Variants in FAM161B observed in about 807,000 individuals in gnomAD.
FAM161B encodes protein FAM161B.
In FAM161B, 46 loss-of-function variants were observed where a neutral mutation model predicts 61.5. The ratio of observed to expected loss-of-function variants is 0.75; its 90% CI spans 0.59 to 0.96. The LOEUF (loss-of-function observed/expected upper bound fraction) is 0.96, where lower values mean the gene tolerates loss of function less well. Among genes scored for constraint, FAM161B ranks in the 40% least tolerant of loss-of-function variants. FAM161B has a pLI of 0.00. For missense variants in FAM161B, 774 were observed against 800.7 expected (o/e 0.97, Z 0.40); for synonymous variants, 284 against 302.7 (o/e 0.94, Z 0.64).
At chr14:73,924,605 A>G in the FAM161B span, 1 of 411,964 alleles carries the variant, frequency 2.4e-6, no homozygotes, top group African/African-American at 2.1e-5. Context: ...ACTTTTGTCA[A>G]AACCTCTGTA....
At chr14:73,947,161 G>A (rs1027246987) in intron 1 of FAM161B, among the ~76,000 whole-genome samples, 4 of 152,080 alleles carry the variant, frequency 2.6e-5, no homozygotes, top group Non-Finnish European at 5.9e-5. Flanking sequence ...CGAGGGAGGT[G>A]GATCACCTGA....
chr14:73,924,537 A>G, the FAM161B span, among the ~76,000 whole-genome samples: 3 of 152,202 alleles, frequency 2.0e-5, no homozygotes, highest in Admixed American at 6.5e-5. Flanking sequence ...GGGATATTTC[A>G]CTGGTCTTGT....
At chr14:73,923,038 T>C in the FAM161B span, among the ~76,000 whole-genome samples, 1 of 152,204 alleles carries the variant, frequency 6.6e-6, no homozygotes, top group Non-Finnish European at 1.5e-5. Context: ...TCATATCATA[T>C]TCAGTTAGTA....
rs1484500067 is a variant in FAM161B, at chr14:73,932,325, A to C, written c.*1931T>G. ...ACAAAATTTGTTTTCTTAGAGATTA[A>C]GAATTTAATCTTTCCCTTTAAAATA... On this transcript the variant is annotated 3_prime_UTR_variant, in exon 9 of 9. Transcript: ENST00000286544. 2.9e-6 allele frequency: 1 copy of C among 347,218 alleles called. No individual in the cohort carries two copies. The highest frequency in any genetic ancestry group is 2.3e-5 in the South Asian group (1 of 44,232). The allele number at this position is 347,218 out of a possible 1,614,324, so 21.5% of individuals were successfully genotyped here. A position where few individuals can be genotyped will look rare whatever the true frequency, so the allele number is the denominator to read the frequency against.
downstream of FAM161B, among the ~76,000 whole-genome samples, chr14:73,927,573 A>G (rs1489948509): frequency 1.3e-5 from 2 of 152,040 alleles, no homozygotes; most frequent in Admixed American, 6.6e-5. Context: ...GTATTGGTAA[A>G]TATCTTTAAA....
intron 4 of FAM161B, among the ~76,000 whole-genome samples, chr14:73,941,984 G>C (rs910579413): frequency 6.6e-6 from 1 of 152,194 alleles, no homozygotes; most frequent in Non-Finnish European, 1.5e-5. Flanking sequence ...GGGATTAAAG[G>C]CGTGAGCCAC....
chr14:73,950,056 G>A lies in FAM161B; in HGVS notation c.-30C>T. The A allele has an allele frequency of 6.2e-7, 1 of 1,610,278 alleles. No homozygotes were observed. The highest frequency in any genetic ancestry group is 8.5e-7 in the Non-Finnish European group (1 of 1,179,998). On this transcript the variant is annotated 5_prime_UTR_variant, in exon 1 of 9. Coordinates refer to ENST00000286544, the MANE Select transcript of FAM161B (RefSeq NM_152445.3). ...GCTGGACAGAGGCAGCAGCGACAGT[G>A]ACAGCGATAGTGGCAGCAGCGGTGG...
Position 73,941,032 on chromosome 14 carries a change from T to C in FAM161B, c.1294A>G (p.Thr432Ala), listed in dbSNP as rs2056013601. The C allele has an allele frequency of 6.2e-7, 1 of 1,612,490 alleles. No homozygotes were observed. The highest frequency in any genetic ancestry group is 8.5e-7 in the Non-Finnish European group (1 of 1,179,370). The change falls in exon 5 of 9, where the codon ACA (threonine) becomes GCA (alanine). Residue 432 changes from threonine (T) to alanine (A), a missense_variant. Physicochemically the swap from Thr to Ala is moderately conservative, Grantham distance 58. Coordinates refer to ENST00000286544, the MANE Select transcript of FAM161B (RefSeq NM_152445.3). ...AGAGAACGACTCCTTGGCAGGGGTG[T>C]AGCTGGTGGCTGTGGGGAATCCTAG... ...RRQDSPQPPA[T>A]PLPRSRSLSG...
intron 8 of FAM161B, among the ~76,000 whole-genome samples, chr14:73,934,789 G>T (rs1015042186): frequency 6.6e-6 from 1 of 151,996 alleles, no homozygotes; most frequent in African/African-American, 2.4e-5. Context: ...GTTTAAGAAC[G>T]GTCTCTCCCA....
At position 73,932,698 on chromosome 14, in the gene FAM161B, C is replaced by T. The variant is rs534103934; in HGVS notation, c.*1558G>A. ...GGAGTGCAGTAGTGTAATCATAGCT[C>T]AATGTAACCTTGAACTCCTACGCTC... is the stretch of plus-strand genomic sequence containing the variant. On this transcript the variant is annotated 3_prime_UTR_variant, in exon 9 of 9. Coordinates refer to ENST00000286544, the MANE Select transcript of FAM161B (RefSeq NM_152445.3). The T allele has an allele frequency of 2.4e-4, 80 of 340,182 alleles. No individual in the cohort carries two copies. The highest frequency in any genetic ancestry group is 4.0e-4 in the Non-Finnish European group (71 of 176,526). The allele number at this position is 340,182 out of a possible 1,614,324, so 21.1% of individuals were successfully genotyped here. A position where few individuals can be genotyped will look rare whatever the true frequency, so the allele number is the denominator to read the frequency against.
intron 7 of FAM161B, among the ~76,000 whole-genome samples, chr14:73,936,678 A>C (rs1367621373): frequency 2.6e-5 from 4 of 152,236 alleles, no homozygotes; most frequent in Non-Finnish European, 4.4e-5. Flanking sequence ...TAACATAAAG[A>C]AGCATGAGAT....
chr14:73,940,063 G>A (rs1220083258), intron 5 of FAM161B, among the ~76,000 whole-genome samples: 13 of 152,172 alleles, frequency 8.5e-5, no homozygotes. Flanking sequence ...CCCTGCTGTG[G>A]GGCTTAACGA....
intron 5 of FAM161B, 87 bp from the exon 6 acceptor site, chr14:73,938,199 T>A: frequency 6.7e-7 from 1 of 1,499,222 alleles, no homozygotes; most frequent in Non-Finnish European, 9.1e-7. Context: ...TGGCTCACAC[T>A]TGTAGTCCTA....
chr14:73,940,567 C>T (rs2056009245), intron 5 of FAM161B, among the ~76,000 whole-genome samples: 1 of 152,094 alleles, frequency 6.6e-6, no homozygotes, highest in Admixed American at 6.5e-5. Flanking sequence ...CTCCAGGCTG[C>T]CCAGTGCCCT....
At chr14:73,927,848 TAA>T (rs769806277), downstream of FAM161B, 10,477 of 146,212 alleles carry the variant, frequency 0.072, 766 homozygotes, top group East Asian at 0.42. Flanking sequence ...TTTTTTTTTT[TAA>T]TTTTTTAGAC....
downstream of FAM161B, chr14:73,932,010 A>G (rs1336142217): frequency 1.5e-5 from 7 of 456,394 alleles, no homozygotes; most frequent in Middle Eastern, 6.5e-4. Context: ...AGTGATGTCA[A>G]TTCTCTTGTT....
downstream of FAM161B, among the ~76,000 whole-genome samples, chr14:73,929,393 G>A (rs1042928372): frequency 6.6e-6 from 1 of 152,158 alleles, no homozygotes; most frequent in African/African-American, 2.4e-5. Flanking sequence ...AGGTGCCAGA[G>A]AAGGTGAAGG....
Position 73,937,698 on chromosome 14 carries a change from G to A in FAM161B, c.1569C>T (p.Asn523=). ...VFKAKLKENR[N]NDRKRAKEYK... ...ATTCTTTCGCTCTTTTACGGTCATT[G>A]TTCCTGGAATTAGCAAGACTTTTAG... The change falls in exon 7 of 9, where the codon AAC becomes AAT. Residue 523 remains asparagine, a synonymous_variant. Coordinates refer to ENST00000286544, the MANE Select transcript of FAM161B (RefSeq NM_152445.3). 1.2e-6 allele frequency: 2 copies of A among 1,612,198 alleles called. No individual in the cohort carries two copies. The highest frequency in any genetic ancestry group is 1.7e-6 in the Non-Finnish European group (2 of 1,179,620).
chr14:73,940,597 C>G (rs879681729), intron 5 of FAM161B, among the ~76,000 whole-genome samples: 1 of 152,122 alleles, frequency 6.6e-6, no homozygotes, highest in Non-Finnish European at 1.5e-5. Context: ...CTTTACCCCC[C>G]ATCATTGCAC....
Sources: gnomAD v4.1 joint callset for allele counts (sites outside exome capture counted in the v4.1 genomes callset) on GRCh38, gnomAD v4.1.1 for gene constraint, MANE v1.5 for transcripts, NCBI Gene and HGNC (gene_info 2026-07-23, HGNC 2026-07-21) for gene names.